Variants in GRID2 observed in about 807,000 individuals in gnomAD.
GRID2 encodes glutamate receptor ionotropic, delta-2.
In GRID2, 33 loss-of-function variants were observed where a neutral mutation model predicts 114.8. That is an observed-to-expected ratio of 0.29 (90% confidence interval 0.22 to 0.38). The LOEUF (loss-of-function observed/expected upper bound fraction) is 0.38. Ranked by LOEUF, GRID2 falls within the 10% of genes least tolerant of loss-of-function variation. The pLI is 1.00. For synonymous variants in GRID2, 505 were observed against 449.9 expected (o/e 1.12, Z -1.55); for missense variants, 1,184 against 1,257.7 (o/e 0.94, Z 0.89).
intron 13 of GRID2, among the ~76,000 whole-genome samples, chr4:93,613,173 A>C (rs1578396953): frequency 6.7e-6 from 1 of 149,496 alleles, no homozygotes; most frequent in Admixed American, 6.7e-5. Flanking sequence ...CAGCTCCTTT[A>C]AACACTTCTC....
chr4:92,664,698 C>T (rs1045078053), intron 2 of GRID2, among the ~76,000 whole-genome samples: 2 of 151,108 alleles, frequency 1.3e-5, no homozygotes, highest in African/African-American at 4.8e-5. Context: ...ATTTTTGCTT[C>T]ATGTATTTGA....
At chr4:93,164,711 A>G (rs1424332455) in intron 4 of GRID2, 1 of 437,888 alleles carries the variant, frequency 2.3e-6, no homozygotes, top group African/African-American at 2.0e-5. Flanking sequence ...AATATGCTTA[A>G]TTTTTTTCCT....
In GRID2 at chr4:93,479,850, G is replaced by A. The variant is rs566336427; in HGVS notation, c.1859-10789G>A. 7.2e-5 allele frequency among the ~76,000 whole-genome samples: 11 copies of A among 152,114 alleles called. No individual in the cohort carries two copies. In the South Asian group the frequency reaches 1.2e-3, roughly 17 times the overall value. ...CCCCACTGATACAGCCAGAAGTAAC[G>A]TTTTACCAGTTGTCTGTTCCTGAAT... On this transcript the variant is annotated intron_variant, in intron 11 of 15. Coordinates refer to ENST00000282020, the MANE Select transcript of GRID2 (RefSeq NM_001510.4).
intron 4 of GRID2, among the ~76,000 whole-genome samples, chr4:93,130,449 G>GA (rs1157146327): frequency 3.3e-5 from 5 of 151,726 alleles, no homozygotes; most frequent in East Asian, 3.9e-4. Context: ...GTCTCAGGGG[G>GA]AAAAAAACTG....
chr4:93,455,750 T>G lies in GRID2; in HGVS notation c.1634T>G (p.Val545Gly). Residue 545 changes from valine (V) to glycine (G), a missense_variant, in exon 11 of 16, where the codon GTG (valine) becomes GGG (glycine). Physicochemically the swap from Val to Gly is moderately radical, Grantham distance 109. Transcript: ENST00000282020. The stretch of plus-strand genomic sequence containing the variant: ...ACGACACGTTACATGGACTACTCAG[T>G]GGGGGTACTACTTCGAAGGGCTGAA... ...DFTTRYMDYSVGVLLRRAEKT... is the reference protein window; with the variant it reads ...DFTTRYMDYSGGVLLRRAEKT... 1 of 1,611,102 alleles carries G rather than the reference T, an allele frequency of 6.2e-7. No homozygotes were observed. The highest frequency in any genetic ancestry group is 8.5e-7 in the Non-Finnish European group (1 of 1,177,338).
chr4:93,644,878 GAA>G (rs374791732), intron 14 of GRID2, among the ~76,000 whole-genome samples: 7 of 150,018 alleles, frequency 4.7e-5, no homozygotes, highest in African/African-American at 1.7e-4. Context: ...TGATCAGTTT[GAA>G]AAAAAAATAT....
At chr4:93,519,332 A>T (rs1730113523) in intron 13 of GRID2, among the ~76,000 whole-genome samples, 1 of 152,234 alleles carries the variant, frequency 6.6e-6, no homozygotes, top group Admixed American at 6.6e-5. Flanking sequence ...ACTCAGCAAC[A>T]TTCTGAAATT....
chr4:93,196,269 G>A (rs1741480281), intron 4 of GRID2, among the ~76,000 whole-genome samples: 1 of 152,104 alleles, frequency 6.6e-6, no homozygotes, highest in Non-Finnish European at 1.5e-5. Context: ...CCAAGGTCCT[G>A]TTCTGATTCA....
At chr4:93,684,923 G>C (rs1327475602) in intron 14 of GRID2, among the ~76,000 whole-genome samples, 1 of 151,998 alleles carries the variant, frequency 6.6e-6, no homozygotes, top group East Asian at 1.9e-4. Context: ...AAAATCTGTA[G>C]GATATGATAT....
rs1025872557 is a variant in GRID2, at chr4:93,604,357, A to G, written c.2194-21912A>G. Among the ~76,000 whole-genome samples, 2 of 152,230 alleles carry G rather than the reference A, an allele frequency of 1.3e-5. 1 individual carries two copies. The highest frequency in any genetic ancestry group is 2.9e-5 in the Non-Finnish European group (2 of 68,042). On this transcript the variant is annotated intron_variant, in intron 13 of 15. Transcript: ENST00000282020. ...TAACTGTAATTAGACATGGAGCCTG[A>G]CAACGTAGCTGAATTGCTGCAATCT...
At chr4:92,611,987 T>TA (rs796397178) in intron 2 of GRID2, among the ~76,000 whole-genome samples, 9 of 151,678 alleles carry the variant, frequency 5.9e-5, no homozygotes, top group African/African-American at 2.2e-4. Context: ...AAATGCAAAT[T>TA]AAAAATTTTG....
chr4:93,009,652 T>A (rs1721918498), intron 2 of GRID2, among the ~76,000 whole-genome samples: 1 of 152,112 alleles, frequency 6.6e-6, no homozygotes, highest in African/African-American at 2.4e-5. Context: ...ATATCTGAAT[T>A]CAGGAATTTT....
At chr4:93,342,399 C>T (rs999627218) in intron 8 of GRID2, among the ~76,000 whole-genome samples, 3 of 152,032 alleles carry the variant, frequency 2.0e-5, no homozygotes, top group African/African-American at 7.2e-5. Flanking sequence ...CTAGTTTCTT[C>T]AGAACTTCGC....
At chr4:92,918,813 T>C (rs1266484984) in intron 2 of GRID2, among the ~76,000 whole-genome samples, 1 of 152,216 alleles carries the variant, frequency 6.6e-6, no homozygotes, top group South Asian at 2.1e-4. Context: ...TAAAATTCTC[T>C]TTTATTGTTG....
chr4:93,175,625 AT>A (rs1160869475), intron 4 of GRID2, among the ~76,000 whole-genome samples: 1 of 152,150 alleles, frequency 6.6e-6, no homozygotes, highest in African/African-American at 2.4e-5. Context: ...AAGCCAAAAC[AT>A]TTTTACTCCT....
intron 1 of GRID2, among the ~76,000 whole-genome samples, chr4:92,535,807 G>T (rs1725592026): frequency 6.6e-6 from 1 of 152,108 alleles, no homozygotes. Flanking sequence ...AAGATGGTGT[G>T]CCAGGAGTTT....
rs561860019 is a variant in GRID2, at chr4:92,425,090, T to C, written c.88+120346T>C. On this transcript the variant is annotated intron_variant, in intron 1 of 15. Coordinates refer to ENST00000282020, the MANE Select transcript of GRID2 (RefSeq NM_001510.4). The stretch of plus-strand genomic sequence containing the variant: ...TATAATAATTATAAGATGAATTTTC[T>C]TGACTACCAAGCCAAAAGAATTATT... Among the ~76,000 whole-genome samples, 13 of 152,156 alleles carry C rather than the reference T, an allele frequency of 8.5e-5. 1 individual carries two copies. The South Asian group carries it at 2.5e-3, about 29-fold the overall frequency.
chr4:92,684,241 A>T (rs1289839500), intron 2 of GRID2, among the ~76,000 whole-genome samples: 1 of 152,036 alleles, frequency 6.6e-6, no homozygotes, highest in Non-Finnish European at 1.5e-5. Context: ...GTTATGTTTG[A>T]AGTGCTTAAA....
intron 2 of GRID2, among the ~76,000 whole-genome samples, chr4:93,044,365 A>G (rs1452571584): frequency 6.6e-6 from 1 of 152,118 alleles, no homozygotes; most frequent in Non-Finnish European, 1.5e-5. Context: ...TAGTTTAAAA[A>G]GCATCTTTTT....
Sources: allele counts gnomAD v4.1 joint callset (sites outside exome capture counted in the v4.1 genomes callset), GRCh38; gene constraint gnomAD v4.1.1; transcripts MANE v1.5; gene names NCBI Gene and HGNC (gene_info 2026-07-23, HGNC 2026-07-21).